KAZN: variants seen among roughly 807,000 people sequenced by gnomAD.
KAZN encodes the protein kazrin.
A neutral mutation model predicts 87.4 loss-of-function variants in KAZN; 40 were observed. The ratio of observed to expected loss-of-function variants is 0.46; its 90% confidence interval spans 0.36 to 0.60. The LOEUF (loss-of-function observed/expected upper bound fraction) is 0.60. KAZN is among the 20% of genes least tolerant of loss of function. KAZN has a pLI of 0.00. For synonymous variants in KAZN, 466 were observed against 458.3 expected (o/e 1.02, Z -0.22); for missense variants, 898 against 1,073.9 (o/e 0.84, Z 2.29).
intron 2 of KAZN, among the ~76,000 whole-genome samples, chr1:14,392,028 C>A (rs1319140252): frequency 6.6e-6 from 1 of 152,012 alleles, no homozygotes; most frequent in Non-Finnish European, 1.5e-5. Flanking sequence ...AGGAATATGA[C>A]AAGTCCTTGG....
At chr1:14,965,133 A>G (rs1212809053) in intron 2 of KAZN, among the ~76,000 whole-genome samples, 1 of 151,864 alleles carries the variant, frequency 6.6e-6, no homozygotes, top group Non-Finnish European at 1.5e-5. Context: ...CCGGGCTCAA[A>G]TGAGCCTCCA....
chr1:14,615,788 G>A (rs1400077007), intron 1 of KAZN, among the ~76,000 whole-genome samples: 2 of 152,238 alleles, frequency 1.3e-5, no homozygotes, highest in Non-Finnish European at 2.9e-5. Context: ...TGAGACACTG[G>A]TTCAGTCAAA....
chr1:13,985,800 A>C (rs1016604761), intron 1 of KAZN, among the ~76,000 whole-genome samples: 1 of 152,218 alleles, frequency 6.6e-6, no homozygotes, highest in Non-Finnish European at 1.5e-5. Flanking sequence ...TGTGACTAGC[A>C]TCTTTCACTT....
At chr1:14,281,680 G>A (rs773486005) in intron 2 of KAZN, among the ~76,000 whole-genome samples, 2 of 152,152 alleles carry the variant, frequency 1.3e-5, no homozygotes, top group Non-Finnish European at 2.9e-5. Flanking sequence ...GGAGTCCTAT[G>A]TTATTTCAAT....
chr1:14,052,639 T>C (rs1170305402), intron 1 of KAZN, among the ~76,000 whole-genome samples: 1 of 151,614 alleles, frequency 6.6e-6, no homozygotes, highest in African/African-American at 2.4e-5. Context: ...GTCTGAGAGG[T>C]TGGGATGTGT....
At chr1:14,879,563 C>A (rs1653113723) in intron 1 of KAZN, among the ~76,000 whole-genome samples, 1 of 152,168 alleles carries the variant, frequency 6.6e-6, no homozygotes, top group African/African-American at 2.4e-5. Flanking sequence ...GTATCAGATG[C>A]TGTTTGGCTC....
chr1:14,465,677 T>G (rs1055621908), intron 2 of KAZN, among the ~76,000 whole-genome samples: 2 of 152,156 alleles, frequency 1.3e-5, no homozygotes, highest in Non-Finnish European at 2.9e-5. Flanking sequence ...AGGCCAGTCT[T>G]GTCAAGGGGA....
At chr1:14,834,088 T>C (rs1647142108) in intron 1 of KAZN, among the ~76,000 whole-genome samples, 1 of 151,910 alleles carries the variant, frequency 6.6e-6, no homozygotes, top group Non-Finnish European at 1.5e-5. Context: ...CAGGCTGGAG[T>C]GTAGTGGTGT....
intron 1 of KAZN, among the ~76,000 whole-genome samples, chr1:14,915,122 G>A (rs1479601231): frequency 1.3e-5 from 2 of 152,210 alleles, no homozygotes; most frequent in Non-Finnish European, 2.9e-5. Flanking sequence ...GGGAGGCGGA[G>A]GTTGCGGTGA....
intron 2 of KAZN, among the ~76,000 whole-genome samples, chr1:14,222,488 G>C (rs907109176): frequency 2.0e-5 from 3 of 152,156 alleles, no homozygotes; most frequent in Admixed American, 2.0e-4. Context: ...TTTGTTCTGT[G>C]GTTGGAGAAG....
At chr1:14,829,418 G>T (rs1220471551) in intron 1 of KAZN, among the ~76,000 whole-genome samples, 1 of 152,194 alleles carries the variant, frequency 6.6e-6, no homozygotes. Context: ...GAAGAAATGA[G>T]TAACAGCTGG....
At chr1:13,967,000 C>T (rs1347548377) in intron 1 of KAZN, among the ~76,000 whole-genome samples, 2 of 152,100 alleles carry the variant, frequency 1.3e-5, no homozygotes, top group African/African-American at 4.8e-5. Flanking sequence ...ATAACTGGTC[C>T]CACCCCACCC....
chr1:14,528,128 T>C (rs543137460), intron 2 of KAZN, among the ~76,000 whole-genome samples: 4 of 151,808 alleles, frequency 2.6e-5, no homozygotes, highest in Middle Eastern at 6.8e-3. Context: ...CCTCACAGTA[T>C]AGCAACTCAT....
intron 1 of KAZN, among the ~76,000 whole-genome samples, chr1:14,725,702 T>C (rs1479916342): frequency 1.3e-5 from 2 of 152,166 alleles, no homozygotes; most frequent in Non-Finnish European, 2.9e-5. Flanking sequence ...GTCCCAATTT[T>C]TCCTGGTTGC....
chr1:14,431,467 G>A (rs567018474), intron 2 of KAZN, among the ~76,000 whole-genome samples: 1 of 152,326 alleles, frequency 6.6e-6, no homozygotes, highest in East Asian at 1.9e-4. Context: ...GCTAATGTTA[G>A]ATGTCCACTT....
intron 1 of KAZN, among the ~76,000 whole-genome samples, chr1:14,175,899 C>T (rs1265751581): frequency 6.6e-6 from 1 of 152,108 alleles, no homozygotes; most frequent in Non-Finnish European, 1.5e-5. Context: ...AAAGATTTGT[C>T]GTAGACCATG....
chr1:14,523,221 A>T (rs150842220), intron 2 of KAZN, among the ~76,000 whole-genome samples: 12 of 152,304 alleles, frequency 7.9e-5, no homozygotes, highest in African/African-American at 2.9e-4. Context: ...TGCCTCCCCT[A>T]GCTGTCAGAA....
chr1:14,823,746 T>A, intron 1 of KAZN, among the ~76,000 whole-genome samples: 1 of 152,076 alleles, frequency 6.6e-6, no homozygotes, highest in Non-Finnish European at 1.5e-5. Context: ...GATTGGAGGC[T>A]GGGAGCAGGG....
intron 1 of KAZN, among the ~76,000 whole-genome samples, chr1:14,703,659 C>A (rs1244076698): frequency 6.6e-6 from 1 of 152,172 alleles, no homozygotes; most frequent in Admixed American, 6.6e-5. Context: ...AGGAAGATCA[C>A]TTGGGGCCAG....
Sources: gnomAD v4.1 joint callset for allele counts (sites outside exome capture counted in the v4.1 genomes callset) on GRCh38, gnomAD v4.1.1 for gene constraint, MANE v1.5 for transcripts, NCBI Gene and HGNC (gene_info 2026-07-23, HGNC 2026-07-21) for gene names.